Variants in BTBD9 observed in about 807,000 individuals in gnomAD.
BTBD9 encodes the protein BTB domain containing 9.
In BTBD9, 49 loss-of-function variants were observed where a neutral mutation model predicts 64.3. The ratio of observed to expected loss-of-function variants is 0.76; its 90% CI spans 0.61 to 0.97. The LOEUF (loss-of-function observed/expected upper bound fraction) is 0.97, where lower values mean the gene tolerates loss of function less well. Among genes scored for constraint, BTBD9 ranks in the 50% least tolerant of loss-of-function variants. The probability of loss-of-function intolerance (pLI) is 0.00; values close to 1 mark genes in which losing one functional copy is unlikely to be tolerated. For missense variants in BTBD9, 598 were observed against 762.1 expected (o/e 0.78, Z 2.53); for synonymous variants, 260 against 274.7 (o/e 0.95, Z 0.53).
intron 9 of BTBD9, among the ~76,000 whole-genome samples, chr6:38,224,197 A>G (rs1272611698): frequency 6.6e-6 from 1 of 152,110 alleles, no homozygotes; most frequent in Non-Finnish European, 1.5e-5. Context: ...TGGGTGACAG[A>G]GCAAGACTCT....
intron 6 of BTBD9, among the ~76,000 whole-genome samples, chr6:38,509,845 T>C (rs1223391397): frequency 6.6e-6 from 1 of 152,164 alleles, no homozygotes; most frequent in Non-Finnish European, 1.5e-5. Flanking sequence ...TTACTCATAT[T>C]TTCCTATCCT....
chr6:38,363,492 T>G (rs1765055862), intron 6 of BTBD9, among the ~76,000 whole-genome samples: 1 of 152,200 alleles, frequency 6.6e-6, no homozygotes, highest in African/African-American at 2.4e-5. Flanking sequence ...GGCAGAAGGA[T>G]GGCTTGAGCC....
At chr6:38,292,605 A>G (rs1038704585) in intron 7 of BTBD9, among the ~76,000 whole-genome samples, 4 of 152,162 alleles carry the variant, frequency 2.6e-5, no homozygotes, top group African/African-American at 9.7e-5. Flanking sequence ...TTATTTGCTT[A>G]GAGGTGTTTA....
intron 6 of BTBD9, among the ~76,000 whole-genome samples, chr6:38,512,330 G>T (rs1432468122): frequency 6.6e-6 from 1 of 152,224 alleles, no homozygotes; most frequent in African/African-American, 2.4e-5. Context: ...CATTTGATCA[G>T]ATAATTCCTG....
intron 6 of BTBD9, 83 bp downstream of exon 6, chr6:38,577,517 G>C (rs1776099482): frequency 7.4e-7 from 1 of 1,358,464 alleles, no homozygotes; most frequent in Non-Finnish European, 1.0e-6. Context: ...CTTTTTTCAA[G>C]ATGAAAAATG....
intron 6 of BTBD9, among the ~76,000 whole-genome samples, chr6:38,524,077 G>A (rs973338154): frequency 6.6e-6 from 1 of 152,148 alleles, no homozygotes. Context: ...TTAGACAGCA[G>A]AGGGTGAACT....
At chr6:38,182,624 A>G (rs2127475775) in intron 10 of BTBD9, among the ~76,000 whole-genome samples, 1 of 152,230 alleles carries the variant, frequency 6.6e-6, no homozygotes. Flanking sequence ...TTGTGTGACC[A>G]GGCTCCGCAT....
intron 7 of BTBD9, among the ~76,000 whole-genome samples, chr6:38,309,517 A>G (rs534756786): frequency 1.3e-5 from 2 of 151,162 alleles, no homozygotes; most frequent in Non-Finnish European, 2.9e-5. Flanking sequence ...GGTTCAAGCG[A>G]TTCTCCTGCC....
intron 1 of BTBD9, among the ~76,000 whole-genome samples, chr6:38,615,348 A>C (rs1777747323): frequency 6.6e-6 from 1 of 152,054 alleles, no homozygotes; most frequent in South Asian, 2.1e-4. Context: ...CAGATCAGTC[A>C]CTCCATTGCT....
intron 1 of BTBD9, among the ~76,000 whole-genome samples, chr6:38,639,392 A>G (rs922236579): frequency 2.0e-5 from 3 of 152,114 alleles, no homozygotes; most frequent in African/African-American, 2.4e-5. Flanking sequence ...AGGGGAGATG[A>G]GGGCCCCAGC....
chr6:38,296,440 T>G (rs1762161082), intron 7 of BTBD9, among the ~76,000 whole-genome samples: 1 of 152,134 alleles, frequency 6.6e-6, no homozygotes, highest in Middle Eastern at 3.2e-3. Flanking sequence ...ATTTCCTATT[T>G]TACTAAATTC....
chr6:38,419,053 T>G (rs946478123), intron 6 of BTBD9, among the ~76,000 whole-genome samples: 1 of 152,200 alleles, frequency 6.6e-6, no homozygotes, highest in African/African-American at 2.4e-5. Flanking sequence ...TCTTACAAAA[T>G]AGCAAGACAG....
chr6:38,287,105 A>AAAAAAAC, intron 8 of BTBD9, among the ~76,000 whole-genome samples: 1 of 100,242 alleles, frequency 1.0e-5, no homozygotes, highest in Non-Finnish European at 2.1e-5. Context: ...AAAAAAAAAA[A>AAAAAAAC]ATATACACAC....
intron 8 of BTBD9, among the ~76,000 whole-genome samples, chr6:38,265,439 C>T (rs1764938137): frequency 6.6e-6 from 1 of 151,300 alleles, no homozygotes; most frequent in Non-Finnish European, 1.5e-5. Flanking sequence ...GAGGATATAA[C>T]TGTGGAAAGC....
intron 6 of BTBD9, among the ~76,000 whole-genome samples, chr6:38,571,462 GA>G (rs200620060): frequency 5.3e-5 from 8 of 151,572 alleles, no homozygotes; most frequent in African/African-American, 1.7e-4. Flanking sequence ...GAGAATAGGT[GA>G]AAAAAAATTA....
rs546360573 is a variant in BTBD9 at position 38,434,568 on chromosome 6, AC to A, written c.1155-89476del. Among the ~76,000 whole-genome samples the A allele has an allele frequency of 1.9e-3, 290 of 151,788 alleles. 5 individuals are homozygous for A. The highest frequency in any genetic ancestry group is 6.7e-3 in the African/African-American group (275 of 41,206). Reference sequence around the variant, plus strand: ...TAAAAAACCAAACTGCACCTCAACCACCTTGGGCACATGTTGTCAGGGTCTC... The same window carrying A: ...TAAAAAACCAAACTGCACCTCAACCACTTGGGCACATGTTGTCAGGGTCTC... On this transcript the variant is annotated intron_variant, in intron 6 of 10. Transcript: ENST00000481247.
chr6:38,437,221 A>G (rs148327599), intron 6 of BTBD9, among the ~76,000 whole-genome samples: 1 of 152,334 alleles, frequency 6.6e-6, no homozygotes, highest in East Asian at 1.9e-4. Flanking sequence ...CAAAGATGCT[A>G]ACGACAAAGC....
intron 6 of BTBD9, among the ~76,000 whole-genome samples, chr6:38,516,556 G>T (rs75328972): frequency 1.3e-5 from 2 of 152,138 alleles, no homozygotes; most frequent in Non-Finnish European, 2.9e-5. Flanking sequence ...AATTCAGAAC[G>T]GGTCAAGAGC....
At chr6:38,546,730 A>G (rs1029478114) in intron 6 of BTBD9, among the ~76,000 whole-genome samples, 21 of 152,196 alleles carry the variant, frequency 1.4e-4, no homozygotes, top group African/African-American at 4.6e-4. Context: ...GTGCAGTGAC[A>G]TGATCTTGGC....
Sources: gnomAD v4.1 joint callset for allele counts (sites outside exome capture counted in the v4.1 genomes callset) on GRCh38, gnomAD v4.1.1 for gene constraint, MANE v1.5 for transcripts, NCBI Gene and HGNC (gene_info 2026-07-23, HGNC 2026-07-21) for gene names.